XPA: variants seen among roughly 807,000 people sequenced by gnomAD.
The protein encoded by XPA is DNA repair protein complementing XP-A cells.
In XPA, 27 loss-of-function variants were observed where a neutral mutation model predicts 35.7. The ratio of observed to expected loss-of-function variants is 0.76; its 90% CI spans 0.56 to 1.04. The LOEUF is 1.04. Among genes scored for constraint, XPA ranks in the 50% least tolerant of loss-of-function variants. The pLI, the probability that XPA is intolerant of heterozygous loss-of-function variation, is 0.00. For synonymous variants in XPA, 133 were observed against 118.4 expected, an observed-to-expected ratio of 1.12 and a Z score of -0.80; for missense variants, 354 against 342.7, an observed-to-expected ratio of 1.03 and a Z score of -0.26.
chr9:97,675,544 C>A lies in XPA; in HGVS notation c.717G>T (p.Thr239=), dbSNP rs373644319. ...AVRSSVWKRE[T]IVHQHEYGPE... is the part of the protein sequence containing the mutation. ...GTCCATACTCATGTTGATGAACAAT[C>A]GTCTCCCTTTTCCACACGCTGCTTC... The change falls in exon 6 of 6, where the codon ACG becomes ACT. Residue 239 remains threonine (T), a synonymous_variant. Coordinates refer to ENST00000375128, the MANE Select transcript of XPA (RefSeq NM_000380.4). 2.5e-6 allele frequency: 4 copies of A among 1,613,906 alleles called. No homozygotes were observed. The South Asian group carries it at 4.4e-5, about 18-fold the overall frequency.
chr9:97,669,344 G>T, the XPA span, among the ~76,000 whole-genome samples: 1 of 152,068 alleles, frequency 6.6e-6, no homozygotes, highest in Non-Finnish European at 1.5e-5. Context: ...TAGATTCCAG[G>T]AAGTAATATT....
At chr9:97,677,339 C>G (rs766801361) in intron 5 of XPA, among the ~76,000 whole-genome samples, 4 of 152,054 alleles carry the variant, frequency 2.6e-5, no homozygotes, top group African/African-American at 4.8e-5. Flanking sequence ...AGAATAAAGC[C>G]ATATCTTTAA....
chr9:97,688,204 T>C lies in XPA; in HGVS notation c.390-943A>G, dbSNP rs559724987. Among the ~76,000 whole-genome samples the C allele has an allele frequency of 3.9e-5, 6 of 152,290 alleles. No homozygotes were observed. In the East Asian group the frequency reaches 1.2e-3, roughly 29 times the overall value. On this transcript the variant is annotated intron_variant, in intron 3 of 5. Transcript: ENST00000375128. Reference sequence around the variant, plus strand: ...AAGGTGTTGGCAGGACCACGTTCCTTTCTGGAGGCACTAGGTAAGAATCCA... The same window carrying C: ...AAGGTGTTGGCAGGACCACGTTCCTCTCTGGAGGCACTAGGTAAGAATCCA...
chr9:97,693,798 G>A (rs1282656153), intron 1 of XPA, 39 bp from the exon 2 acceptor site: 12 of 1,580,840 alleles, frequency 7.6e-6, no homozygotes, highest in African/African-American at 2.7e-5. Flanking sequence ...ATTGAAGTAG[G>A]TAAGCCTGTA....
downstream of XPA, chr9:97,671,184 TG>T: frequency 6.2e-7 from 1 of 1,609,306 alleles, no homozygotes; most frequent in Non-Finnish European, 8.5e-7. Flanking sequence ...AGCAGTTCTG[TG>T]CCCTGCAGGC....
chr9:97,654,765 A>G, the XPA span: 3 of 899,456 alleles, frequency 3.3e-6, no homozygotes, highest in Admixed American at 2.3e-5. Flanking sequence ...GTGTGAAAAG[A>G]TGTTCAGCAT....
At chr9:97,687,468 G>GA (rs897989654) in intron 3 of XPA, among the ~76,000 whole-genome samples, 16 of 152,210 alleles carry the variant, frequency 1.1e-4, no homozygotes, top group Admixed American at 7.8e-4. Context: ...ATTATCTAGA[G>GA]AAAAAAACAT....
chr9:97,655,247 G>C, the XPA span, among the ~76,000 whole-genome samples: 2 of 152,078 alleles, frequency 1.3e-5, no homozygotes, highest in Non-Finnish European at 2.9e-5. Flanking sequence ...GTCTTGCTCT[G>C]TCACCCAGGC....
the XPA span, chr9:97,664,296 T>C: frequency 4.9e-6 from 6 of 1,233,744 alleles, no homozygotes; most frequent in Non-Finnish European, 7.1e-6. Flanking sequence ...TATATGTGTG[T>C]GTATGTGTGT....
intron 1 of XPA, among the ~76,000 whole-genome samples, chr9:97,695,882 T>C (rs1829028101): frequency 6.6e-6 from 1 of 152,256 alleles, no homozygotes; most frequent in Non-Finnish European, 1.5e-5. Flanking sequence ...ATGTTCATTC[T>C]ACCTTGCTTT....
chr9:97,677,121 A>G (rs1457971618), intron 5 of XPA, among the ~76,000 whole-genome samples: 1 of 151,706 alleles, frequency 6.6e-6, no homozygotes, highest in Non-Finnish European at 1.5e-5. Flanking sequence ...ATTTTACTGC[A>G]GCGCAATCAT....
the XPA span, chr9:97,656,175 T>A: frequency 9.2e-7 from 1 of 1,091,032 alleles, no homozygotes; most frequent in Non-Finnish European, 1.3e-6. Flanking sequence ...AATATTGGAT[T>A]CAAAATCCAC....
chr9:97,692,470 T>C (rs560576733), intron 2 of XPA, among the ~76,000 whole-genome samples: 16 of 152,240 alleles, frequency 1.1e-4, no homozygotes, highest in South Asian at 8.3e-4. Flanking sequence ...AGCATATCTA[T>C]AGACAAAAGG....
chr9:97,668,221 C>G, the XPA span, among the ~76,000 whole-genome samples: 3 of 152,334 alleles, frequency 2.0e-5, no homozygotes, highest in East Asian at 1.9e-4. Flanking sequence ...GGAAAGTCAT[C>G]TAACCTCTCA....
chr9:97,655,563 A>G, the XPA span: 1 of 592,520 alleles, frequency 1.7e-6, no homozygotes, highest in Admixed American at 3.5e-5. Flanking sequence ...GGCAGAAGAT[A>G]CAACTGCATG....
At chr9:97,672,672 T>A (rs1828226916), downstream of XPA, 1 of 162,734 alleles carries the variant, frequency 6.1e-6, no homozygotes, top group South Asian at 1.9e-4. Flanking sequence ...ACACAGGTTT[T>A]CTTCCACCCC....
the XPA span, chr9:97,663,087 T>A: frequency 6.9e-7 from 1 of 1,452,984 alleles, no homozygotes; most frequent in Non-Finnish European, 9.6e-7. Flanking sequence ...GCTCTGATTG[T>A]ATGGGTATAA....
At chr9:97,693,497 TAGCAAAA>T in intron 2 of XPA, 145 bp downstream of exon 2, 1 of 691,960 alleles carries the variant, frequency 1.4e-6, no homozygotes, top group East Asian at 2.8e-5. Context: ...TTTAATCTAC[TAGCAAAA>T]CTGCCAAACT....
chr9:97,658,435 A>C, the XPA span, among the ~76,000 whole-genome samples: 5 of 152,330 alleles, frequency 3.3e-5, no homozygotes, highest in East Asian at 7.7e-4. Flanking sequence ...CCCGCACCTC[A>C]GTGCAAGCCA....
Sources: allele counts gnomAD v4.1 joint callset (sites outside exome capture counted in the v4.1 genomes callset), GRCh38; gene constraint gnomAD v4.1.1; transcripts MANE v1.5; gene names NCBI Gene and HGNC (gene_info 2026-07-23, HGNC 2026-07-21).